The following MYH1 variants were observed in gnomAD, a reference collection of about 807,000 sequenced individuals.
MYH1 encodes the protein myosin heavy chain 1, also known as myosin-1.
Under a neutral mutation model 225.6 loss-of-function variants are expected in MYH1, and 214 were observed. The observed-to-expected ratio is 0.95, with a 90% CI of 0.85 to 1.06. The LOEUF is 1.06. Among genes scored for constraint, MYH1 ranks in the 50% least tolerant of loss-of-function variants. The pLI is 0.00. For missense variants in MYH1, 2,098 were observed against 2,344.2 expected (o/e 0.89, Z 2.17); for synonymous variants, 774 against 842.3 (o/e 0.92, Z 1.40).
chr17:10,514,200 A>G, intron 6 of MYH1, 76 bp from the exon 7 acceptor site: 2 of 1,523,268 alleles, frequency 1.3e-6, no homozygotes, highest in Non-Finnish European at 1.8e-6. Flanking sequence ...CTTTGTCTTT[A>G]TATCTCTATT....
chr17:10,512,037 C>T (rs918825971), intron 13 of MYH1, 37 bp downstream of exon 13: 1 of 1,614,044 alleles, frequency 6.2e-7, no homozygotes, highest in Non-Finnish European at 8.5e-7. Flanking sequence ...TCATGAAGGC[C>T]TGGGATGTGT....
rs2073076430 is a variant in MYH1, at chr17:10,503,221, C to T, written c.2719G>A (p.Glu907Lys). Residue 907 changes from glutamate (E) to lysine (K), a missense_variant, in exon 23 of 40, where the codon GAA (glutamate) becomes AAA (lysine). Glu to Lys is a moderately conservative substitution (Grantham distance 56). Coordinates refer to ENST00000226207, the MANE Select transcript of MYH1 (RefSeq NM_005963.4). ...AEADSLADAE[E>K]RCDQLIKTKI... ...GTTTTGATTAGCTGGTCACACCTTTCCTCTGCATCAGCCAAGCTGTCAGCT... is the reference window on the plus strand; with the variant it reads ...GTTTTGATTAGCTGGTCACACCTTTTCTCTGCATCAGCCAAGCTGTCAGCT... 1 of 1,614,044 alleles carries T rather than the reference C, an allele frequency of 6.2e-7. No individual in the cohort carries two copies. Among genetic ancestry groups the T allele is most frequent in the Non-Finnish European group, 8.5e-7 (1 of 1,180,050 alleles).
At chr17:10,513,069 A>T (rs1030775569) in intron 9 of MYH1, 104 bp from the exon 10 acceptor site, 2 of 720,818 alleles carry the variant, frequency 2.8e-6, no homozygotes, top group African/African-American at 3.6e-5. Context: ...GCCTCTTGAG[A>T]TTTCAACTGA....
chr17:10,505,691 TTTG>T, intron 19 of MYH1, 118 bp downstream of exon 19: 3 of 1,419,226 alleles, frequency 2.1e-6, no homozygotes, highest in East Asian at 4.9e-5. Context: ...CAATATGGAG[TTTG>T]TTAAGTGAGT....
intron 39 of MYH1, 87 bp downstream of exon 39, chr17:10,494,267 C>A (rs982905722): frequency 5.4e-6 from 7 of 1,300,546 alleles, no homozygotes; most frequent in Non-Finnish European, 7.6e-6. Flanking sequence ...GATCCTTCCT[C>A]ATTTTACTCA....
At chr17:10,513,733 C>T (rs748274154) in intron 8 of MYH1, 44 bp from the exon 9 acceptor site, 22 of 1,612,294 alleles carry the variant, frequency 1.4e-5, no homozygotes, top group East Asian at 6.7e-5. Context: ...GCTTGAAGTA[C>T]GTAGTGGGGA....
rs568258497 is a variant in MYH1, at chr17:10,515,464, A to G, written c.505+462T>C. On this transcript the variant is annotated intron_variant, in intron 5 of 39. Coordinates refer to ENST00000226207, the MANE Select transcript of MYH1 (RefSeq NM_005963.4). ...CATCTTCATTCAAACAGAGGATATT[A>G]TATCTGAGATGTACTCTGATAACTT... 2.0e-5 allele frequency among the ~76,000 whole-genome samples: 3 copies of G among 152,336 alleles called. No homozygotes were observed. In the East Asian group the frequency reaches 5.8e-4, roughly 29 times the overall value.
At position 10,506,011 on chromosome 17, in the gene MYH1, C is replaced by G; in HGVS notation, c.2056+1G>C. ...TTGTCTGGATATCAGAAATGTCTTA[C>G]CAGGAGTTTTAGTTTCATTGGGGAT... On this transcript the variant is annotated splice_donor_variant, in intron 18 of 39. Coordinates refer to ENST00000226207, the MANE Select transcript of MYH1 (RefSeq NM_005963.4). LOFTEE classifies it high-confidence loss of function. 1.9e-6 allele frequency: 3 copies of G among 1,614,134 alleles called. No individual in the cohort carries two copies. Among genetic ancestry groups the G allele is most frequent in the Non-Finnish European group, 2.5e-6 (3 of 1,180,026 alleles).
intron 4 of MYH1, 38 bp downstream of exon 4, chr17:10,516,161 C>A: frequency 6.2e-7 from 1 of 1,613,736 alleles, no homozygotes; most frequent in Non-Finnish European, 8.5e-7. Flanking sequence ...AAACTATTAA[C>A]TACTCTCATG....
chr17:10,510,675 G>A (rs868429307), intron 14 of MYH1, among the ~76,000 whole-genome samples: 16 of 152,252 alleles, frequency 1.1e-4, no homozygotes, highest in African/African-American at 3.1e-4. Flanking sequence ...AAGCATATGC[G>A]AAGTGCCAGA....
In MYH1 at chr17:10,508,358, A is replaced by C; in HGVS notation, c.1897+5T>G. 1 of 1,591,338 alleles carries C rather than the reference A, an allele frequency of 6.3e-7. No homozygotes were observed. Among genetic ancestry groups the C allele is most frequent in the African/African-American group, 1.4e-5 (1 of 73,666 alleles). ...AGGTAAAAGATTAATTATATTGATA[A>C]TTACCTGCTTCCGCTCCCGTTGCCC... On this transcript the variant is annotated splice_donor_5th_base_variant and intron_variant, in intron 16 of 39. Transcript: ENST00000226207.
In MYH1 at chr17:10,497,161, C is replaced by G; in HGVS notation, c.4564G>C (p.Glu1522Gln). ...EISDLTEQIA[E>Q]GGKRIHELEK... ...AGTTCATGGATGCGCTTTCCTCCTT[C>G]TGCAATCTGTTCAGTGAGATCAGAA... is the stretch of plus-strand genomic sequence containing the variant. The change falls in exon 33 of 40, where the codon GAA (glutamate) becomes CAA (glutamine). Residue 1522 changes from glutamate (E) to glutamine (Q), a missense_variant. Coordinates refer to ENST00000226207, the MANE Select transcript of MYH1 (RefSeq NM_005963.4). 6.2e-7 allele frequency: 1 copy of G among 1,614,088 alleles called. No individual in the cohort carries two copies. The highest frequency in any genetic ancestry group is 8.5e-7 in the Non-Finnish European group (1 of 1,180,006).
intron 27 of MYH1, 118 bp downstream of exon 27, chr17:10,500,992 G>A (rs184066128): frequency 1.7e-5 from 25 of 1,493,644 alleles, no homozygotes; most frequent in African/African-American, 1.4e-4. Flanking sequence ...TGTACTATAC[G>A]TGATATGAGA....
intron 39 of MYH1, among the ~76,000 whole-genome samples, chr17:10,493,732 C>T (rs564377167): frequency 4.9e-4 from 74 of 152,284 alleles, no homozygotes; most frequent in Middle Eastern, 6.8e-3. Context: ...TTACTCAAAC[C>T]ATAAACTTGA....
At chr17:10,515,829 T>C in intron 5 of MYH1, 97 bp downstream of exon 5, 1 of 1,591,570 alleles carries the variant, frequency 6.3e-7, no homozygotes, top group Non-Finnish European at 8.6e-7. Flanking sequence ...ACCAGGGGCG[T>C]GAATTGGGTT....
rs1193327868 is a variant in MYH1 at position 10,514,038 on chromosome 17, T to C, written c.620A>G (p.Lys207Arg). ...CATTTTGCCAGAAGTAACTTCTTCC[T>C]TCTTCTTCTCCCCAGTAACTGCAAT... is the stretch of plus-strand genomic sequence containing the variant. ...ATIAVTGEKKKEEVTSGKMQG... is the reference protein window; with the variant it reads ...ATIAVTGEKKREEVTSGKMQG... The change falls in exon 7 of 40, where the codon AAG (lysine) becomes AGG (arginine). Residue 207 changes from lysine to arginine, a missense_variant. Lys to Arg is a conservative substitution (Grantham distance 26). Coordinates refer to ENST00000226207, the MANE Select transcript of MYH1 (RefSeq NM_005963.4). The C allele has an allele frequency of 6.2e-7, 1 of 1,614,122 alleles. No homozygotes were observed. Among genetic ancestry groups the C allele is most frequent in the Admixed American group, 1.7e-5 (1 of 60,028 alleles).
At position 10,504,863 on chromosome 17, in the gene MYH1, T is replaced by C. The variant is rs1299388159; in HGVS notation, c.2638A>G (p.Lys880Glu). ...TTTTCTTGCATCAGAGTAACCATTTTTTCTTCCAGCTCTTTCCTTTTTGCC... is the reference window on the plus strand; with the variant it reads ...TTTTCTTGCATCAGAGTAACCATTTCTTCTTCCAGCTCTTTCCTTTTTGCC... ...TEAKRKELEE[K>E]MVTLMQEKND... The change falls in exon 22 of 40, where the codon AAA (lysine) becomes GAA (glutamate). Residue 880 changes from lysine to glutamate, a missense_variant. By Grantham distance (56) the Lys-to-Glu change is moderately conservative (BLOSUM62 1). Coordinates refer to ENST00000226207, the MANE Select transcript of MYH1 (RefSeq NM_005963.4). 4.3e-6 allele frequency: 7 copies of C among 1,614,082 alleles called. No individual in the cohort carries two copies. The Admixed American group carries it at 5.0e-5, about 12-fold the overall frequency.
At position 10,497,727 on chromosome 17, in the gene MYH1, A is replaced by G. The variant is rs376903626; in HGVS notation, c.4365+7T>C. On this transcript the variant is annotated splice_region_variant and intron_variant, in intron 31 of 39. Coordinates refer to ENST00000226207, the MANE Select transcript of MYH1 (RefSeq NM_005963.4). ...TTGAAAGTTGAAGCAAAAACTGGAG[A>G]GAATACCTTATCAAAGTTCCTTTGC... The G allele has an allele frequency of 2.5e-6, 4 of 1,613,210 alleles. No homozygotes were observed. Among genetic ancestry groups the G allele is most frequent in the Non-Finnish European group, 3.4e-6 (4 of 1,179,860 alleles).
At chr17:10,516,727 C>T in intron 2 of MYH1, 45 bp from the exon 3 acceptor site, 1 of 1,510,522 alleles carries the variant, frequency 6.6e-7, no homozygotes, top group Non-Finnish European at 9.0e-7. Context: ...GAAACTGGAC[C>T]ATTAGATTCA....
Sources: allele counts gnomAD v4.1 joint callset (sites outside exome capture counted in the v4.1 genomes callset), GRCh38; gene constraint gnomAD v4.1.1; transcripts MANE v1.5; gene names NCBI Gene and HGNC (gene_info 2026-07-23, HGNC 2026-07-21).